The following INVS variants were observed in gnomAD, a reference collection of about 807,000 sequenced individuals.
INVS encodes the protein inversin.
A neutral mutation model predicts 108.8 loss-of-function variants in INVS; 86 were observed. That is an observed-to-expected ratio of 0.79 (90% CI 0.66 to 0.95). The LOEUF is 0.95. INVS is among the 40% of genes least tolerant of loss of function. The pLI is 0.00. For synonymous variants in INVS, 455 were observed against 473.5 expected (o/e 0.96, Z 0.51); for missense variants, 1,169 against 1,297.4 (o/e 0.90, Z 1.52).
In INVS at chr9:100,235,272, G is replaced by C. The variant is rs148222775; in HGVS notation, c.616-4788G>C. Among the ~76,000 whole-genome samples the C allele has an allele frequency of 8.9e-3, 1,353 of 152,018 alleles. 18 individuals carry two copies. The highest frequency in any genetic ancestry group is 0.034 in the Middle Eastern group (10 of 294). On this transcript the variant is annotated intron_variant, in intron 5 of 16. Coordinates refer to ENST00000262457, the MANE Select transcript of INVS (RefSeq NM_014425.5). ...AGCCTGTGTGTGTCTTTGCACATGA[G>C]ATGGGTCTCTTGAATTCAGCACGCT... is the stretch of plus-strand genomic sequence containing the variant.
chr9:100,171,565 G>C (rs892111351), intron 3 of INVS, among the ~76,000 whole-genome samples: 1 of 152,046 alleles, frequency 6.6e-6, no homozygotes, highest in African/African-American at 2.4e-5. Flanking sequence ...AAGTAAAGTG[G>C]GATCAGACCA....
At chr9:100,284,640 T>C (rs1339497791) in intron 13 of INVS, 37 bp downstream of exon 13, 1 of 1,602,114 alleles carries the variant, frequency 6.2e-7, no homozygotes, top group East Asian at 2.2e-5. Context: ...TGCCGGCCCA[T>C]GGACTGTGGG....
intron 3 of INVS, among the ~76,000 whole-genome samples, chr9:100,127,818 A>T (rs1355616440): frequency 3.3e-5 from 5 of 152,062 alleles, no homozygotes; most frequent in Non-Finnish European, 7.4e-5. Flanking sequence ...CTCATTTTCA[A>T]TCTCAGTTTT....
At chr9:100,252,769 T>C in intron 9 of INVS, 138 bp from the exon 10 acceptor site, 2 of 720,600 alleles carry the variant, frequency 2.8e-6, no homozygotes, top group Non-Finnish European at 4.8e-6. Context: ...GAATAAAGCA[T>C]TAAAGGAACA....
intron 10 of INVS, among the ~76,000 whole-genome samples, chr9:100,262,547 G>A (rs941370980): frequency 2.0e-5 from 3 of 148,090 alleles, no homozygotes; most frequent in African/African-American, 7.5e-5. Flanking sequence ...TGTAGGACCT[G>A]TAGTGAGTTC....
rs201592174 is a variant in INVS at position 100,262,651 on chromosome 9, A to C, written c.1465-2171A>C. Among the ~76,000 whole-genome samples, 299 of 151,622 alleles carry C rather than the reference A, an allele frequency of 2.0e-3. 2 individuals carry two copies. The East Asian group carries it at 0.054, about 27-fold the overall frequency. On this transcript the variant is annotated intron_variant, in intron 10 of 16. Coordinates refer to ENST00000262457, the MANE Select transcript of INVS (RefSeq NM_014425.5). ...TACCTGGAGCACTAAAAAAAAAAAA[A>C]AAAAAAAAAACTTGATATTCATCTC...
intron 2 of INVS, among the ~76,000 whole-genome samples, chr9:100,119,298 C>A (rs1001925344): frequency 3.9e-5 from 6 of 152,102 alleles, no homozygotes; most frequent in African/African-American, 1.4e-4. Flanking sequence ...TTAGTAGTAC[C>A]TTATAGTGGG....
intron 2 of INVS, chr9:100,116,690 T>C (rs1408403514): frequency 1.4e-5 from 7 of 505,474 alleles, no homozygotes; most frequent in African/African-American, 2.0e-5. Context: ...TATATAGTTA[T>C]AGGTTTTATT....
At chr9:100,192,566 A>T (rs765532452) in intron 3 of INVS, among the ~76,000 whole-genome samples, 3 of 152,184 alleles carry the variant, frequency 2.0e-5, no homozygotes, top group Non-Finnish European at 4.4e-5. Flanking sequence ...CATCAAATAA[A>T]TACCTAAAAG....
At chr9:100,258,681 C>T (rs1018727406) in intron 10 of INVS, among the ~76,000 whole-genome samples, 3 of 152,142 alleles carry the variant, frequency 2.0e-5, no homozygotes, top group African/African-American at 7.2e-5. Flanking sequence ...GCTGGAGATC[C>T]ACTCCAGACC....
At chr9:100,101,911 T>C (rs1207764818) in intron 1 of INVS, 4 of 152,122 alleles carry the variant, frequency 2.6e-5, no homozygotes. Context: ...GCATTCAGCT[T>C]TGGAACTTTG....
At chr9:100,200,751 G>A (rs1229796721) in intron 3 of INVS, among the ~76,000 whole-genome samples, 2 of 152,102 alleles carry the variant, frequency 1.3e-5, no homozygotes, top group African/African-American at 2.4e-5. Flanking sequence ...GTCAATTCAG[G>A]GATCAGCCAA....
At chr9:100,122,415 T>C (rs930069730) in intron 2 of INVS, among the ~76,000 whole-genome samples, 1 of 152,018 alleles carries the variant, frequency 6.6e-6, no homozygotes, top group Admixed American at 6.6e-5. Context: ...TTTATTGTTA[T>C]ATAATATCTC....
chr9:100,104,346 T>C (rs942025928), intron 1 of INVS, among the ~76,000 whole-genome samples, 152 bp from the exon 2 acceptor site: 1 of 152,212 alleles, frequency 6.6e-6, no homozygotes, highest in Non-Finnish European at 1.5e-5. Flanking sequence ...ATTACAGATA[T>C]GTACCACTGC....
At chr9:100,128,033 G>A (rs1012333857) in intron 3 of INVS, among the ~76,000 whole-genome samples, 2 of 152,142 alleles carry the variant, frequency 1.3e-5, no homozygotes, top group Admixed American at 6.6e-5. Context: ...CAAAAATGTA[G>A]AGTGAAGGAA....
chr9:100,226,810 CAAAAAA>C (rs59853701), intron 4 of INVS, among the ~76,000 whole-genome samples: 9 of 78,794 alleles, frequency 1.1e-4, no homozygotes, highest in South Asian at 6.5e-4. Context: ...GAGACTGTCT[CAAAAAA>C]AAAAAAAAAA....
At chr9:100,293,128 A>G (rs1308434643) in intron 14 of INVS, 85 bp downstream of exon 14, 21 of 1,360,856 alleles carry the variant, frequency 1.5e-5, no homozygotes, top group Non-Finnish European at 2.1e-5. Context: ...ATGTTTTCCC[A>G]GTGAGTTCCA....
intron 14 of INVS, among the ~76,000 whole-genome samples, chr9:100,295,367 A>G (rs1157408023): frequency 1.3e-5 from 2 of 152,200 alleles, no homozygotes; most frequent in Non-Finnish European, 2.9e-5. Context: ...CTGAGGCCCA[A>G]AGGACTTCTG....
At chr9:100,258,047 A>G (rs1424434965) in intron 10 of INVS, among the ~76,000 whole-genome samples, 5 of 152,182 alleles carry the variant, frequency 3.3e-5, no homozygotes, top group Middle Eastern at 3.2e-3. Context: ...AGGTACACCA[A>G]TCAGATGTAG....
Sources: allele counts gnomAD v4.1 joint callset (sites outside exome capture counted in the v4.1 genomes callset), GRCh38; gene constraint gnomAD v4.1.1; transcripts MANE v1.5; gene names NCBI Gene and HGNC (gene_info 2026-07-23, HGNC 2026-07-21).